Variants in SIPA1L1 observed in about 807,000 individuals in gnomAD.
SIPA1L1 encodes the protein signal-induced proliferation-associated 1-like protein 1.
SIPA1L1 carries 26 observed loss-of-function variants against 162.7 expected under a neutral mutation model. The observed-to-expected ratio is 0.16, with a 90% CI of 0.12 to 0.22. The LOEUF (loss-of-function observed/expected upper bound fraction) is 0.22, where lower values mean the gene tolerates loss of function less well. Among genes scored for constraint, SIPA1L1 ranks in the 10% least tolerant of loss-of-function variants. SIPA1L1 has a pLI of 1.00. For synonymous variants in SIPA1L1, 829 were observed against 837.4 expected (o/e 0.99, Z 0.17); for missense variants, 1,874 against 2,241.0 (o/e 0.84, Z 3.31).
At chr14:71,476,826 T>A (rs1273422816) in intron 2 of SIPA1L1, among the ~76,000 whole-genome samples, 1 of 151,840 alleles carries the variant, frequency 6.6e-6, no homozygotes, top group Non-Finnish European at 1.5e-5. Context: ...TACAGGCGCC[T>A]GCCACCATGC....
At chr14:71,500,826 G>T (rs187471401) in intron 2 of SIPA1L1, among the ~76,000 whole-genome samples, 3 of 151,556 alleles carry the variant, frequency 2.0e-5, no homozygotes. Context: ...GACCAACATG[G>T]AGAAACCCCA....
At chr14:71,367,607 CTTT>C (rs773250069) in intron 2 of SIPA1L1, among the ~76,000 whole-genome samples, 5 of 121,046 alleles carry the variant, frequency 4.1e-5, no homozygotes, top group African/African-American at 6.5e-5. Flanking sequence ...CGTGCCCGGC[CTTT>C]TTTTTTTTTT....
chr14:71,389,480 T>G (rs568330004), intron 2 of SIPA1L1, among the ~76,000 whole-genome samples: 2 of 152,326 alleles, frequency 1.3e-5, no homozygotes, highest in East Asian at 3.9e-4. Flanking sequence ...TTTAAGATAG[T>G]ACCATTTGTA....
chr14:71,647,834 A>G (rs1052100533), intron 7 of SIPA1L1, among the ~76,000 whole-genome samples: 3 of 152,194 alleles, frequency 2.0e-5, no homozygotes, highest in African/African-American at 4.8e-5. Context: ...ACATTCAGCC[A>G]TTAGAAGCAG....
chr14:71,518,163 A>G (rs1204379899), intron 3 of SIPA1L1, among the ~76,000 whole-genome samples: 2 of 152,026 alleles, frequency 1.3e-5, no homozygotes, highest in African/African-American at 4.8e-5. Context: ...TCACACGTGT[A>G]GTTTCAGTTA....
rs1274857385 is a variant in SIPA1L1, at chr14:71,587,774, G to A, written c.-99G>A. 2 of 1,075,620 alleles carry A rather than the reference G, an allele frequency of 1.9e-6. No individual in the cohort carries two copies. The highest frequency in any genetic ancestry group is 1.6e-5 in the South Asian group (1 of 61,486). The allele number at this position is 1,075,620 out of a possible 1,614,324, so 66.6% of individuals were successfully genotyped here. On this transcript the variant is annotated 5_prime_UTR_variant, in exon 5 of 24. Coordinates refer to ENST00000381232, the MANE Select transcript of SIPA1L1 (RefSeq NM_001386936.1). ...AAGATTAAGATCTCATGCAACTGTT[G>A]TATTTTCTGGAAGCCATTCTCCAAA...
chr14:71,383,535 A>G (rs1322864925), intron 2 of SIPA1L1, among the ~76,000 whole-genome samples: 3 of 152,196 alleles, frequency 2.0e-5, no homozygotes, highest in Non-Finnish European at 4.4e-5. Context: ...TAAATATCCA[A>G]GACTGGGTAA....
intron 4 of SIPA1L1, among the ~76,000 whole-genome samples, chr14:71,540,292 C>G (rs1431846387): frequency 6.6e-6 from 1 of 152,148 alleles, no homozygotes; most frequent in East Asian, 1.9e-4. Flanking sequence ...GAATTCATGT[C>G]CATTCCTTCA....
chr14:71,667,447 G>T (rs79472245), intron 10 of SIPA1L1, among the ~76,000 whole-genome samples: 50 of 152,230 alleles, frequency 3.3e-4, no homozygotes, highest in African/African-American at 1.2e-3. Flanking sequence ...CTTCAGCCTT[G>T]ATCCTCAGCA....
chr14:71,481,451 T>C (rs568954435), intron 2 of SIPA1L1, among the ~76,000 whole-genome samples: 13 of 152,084 alleles, frequency 8.5e-5, no homozygotes, highest in Non-Finnish European at 5.9e-5. Flanking sequence ...TGCACACCAG[T>C]TGCATTCTAG....
chr14:71,559,362 C>G (rs1946360814), intron 4 of SIPA1L1, among the ~76,000 whole-genome samples: 2 of 152,162 alleles, frequency 1.3e-5, no homozygotes, highest in Non-Finnish European at 2.9e-5. Flanking sequence ...ACCACTGTGC[C>G]CAGCCTCAGC....
At chr14:71,349,684 A>G (rs1009149679) in intron 2 of SIPA1L1, among the ~76,000 whole-genome samples, 1 of 152,216 alleles carries the variant, frequency 6.6e-6, no homozygotes, top group African/African-American at 2.4e-5. Flanking sequence ...TTTCAATATT[A>G]CAAAAAACAT....
chr14:71,433,091 A>T (rs1266207217), intron 2 of SIPA1L1, among the ~76,000 whole-genome samples: 1 of 152,228 alleles, frequency 6.6e-6, no homozygotes, highest in Non-Finnish European at 1.5e-5. Context: ...ATATTTACAG[A>T]GATCAGGTGG....
rs373463201 is a variant in SIPA1L1, at chr14:71,458,760, A to T, written c.-464-53983A>T. ...TTGACATTGCAGTAACCATTTCACT[A>T]CCGGTGTCTGAGGCTAAGGAGAATT... is the stretch of plus-strand genomic sequence containing the variant. On this transcript the variant is annotated intron_variant, in intron 2 of 23. Transcript: ENST00000381232. Among the ~76,000 whole-genome samples, 71 of 152,102 alleles carry T rather than the reference A, an allele frequency of 4.7e-4. 2 individuals carry two copies. The South Asian group carries it at 0.014, about 30-fold the overall frequency.
In SIPA1L1 at chr14:71,631,758, TAA is replaced by T. The variant is rs371015418; in HGVS notation, c.1818+7525_1818+7526del. Among the ~76,000 whole-genome samples, 37 of 152,348 alleles carry T rather than the reference TAA, an allele frequency of 2.4e-4. 1 individual carries two copies. In the South Asian group the frequency reaches 7.7e-3, roughly 32 times the overall value. On this transcript the variant is annotated intron_variant, in intron 7 of 23. Transcript: ENST00000381232. ...ATTTAGTATCCATATGTCATTTTTT[TAA>T]AACAGTTGGATTTTTGTTAGTAATT...
At chr14:71,418,750 C>T (rs2042970016) in intron 2 of SIPA1L1, among the ~76,000 whole-genome samples, 1 of 152,162 alleles carries the variant, frequency 6.6e-6, no homozygotes, top group African/African-American at 2.4e-5. Flanking sequence ...TTGTAAATGT[C>T]TTCACTAGTA....
intron 2 of SIPA1L1, among the ~76,000 whole-genome samples, chr14:71,508,650 T>C (rs1466519041): frequency 6.6e-6 from 1 of 152,220 alleles, no homozygotes; most frequent in Non-Finnish European, 1.5e-5. Context: ...CGAACAAATA[T>C]GTTTTAACCA....
chr14:71,619,819 CTGAACTCCGGGGAAAT>C (rs1467194405), intron 6 of SIPA1L1, among the ~76,000 whole-genome samples: 1 of 152,118 alleles, frequency 6.6e-6, no homozygotes, highest in African/African-American at 2.4e-5. Flanking sequence ...GTTCCTAAGC[CTGAACTCCGGGGAAAT>C]TAAATATAGG....
chr14:71,637,644 A>G (rs1383616530), intron 7 of SIPA1L1, among the ~76,000 whole-genome samples: 1 of 152,106 alleles, frequency 6.6e-6, no homozygotes, highest in African/African-American at 2.4e-5. Context: ...GGATCAATTA[A>G]GTCCAGAAGT....
Sources: gnomAD v4.1 joint callset for allele counts (sites outside exome capture counted in the v4.1 genomes callset) on GRCh38, gnomAD v4.1.1 for gene constraint, MANE v1.5 for transcripts, NCBI Gene and HGNC (gene_info 2026-07-23, HGNC 2026-07-21) for gene names.